The following ANKRD62 variants were observed in gnomAD, a reference collection of about 807,000 sequenced individuals.
The protein encoded by ANKRD62 is ankyrin repeat domain-containing protein 62.
ANKRD62 carries 61 observed loss-of-function variants against 98.8 expected under a neutral mutation model. The ratio of observed to expected loss-of-function variants is 0.62; its 90% CI spans 0.50 to 0.76. The LOEUF is 0.76. Among genes scored for constraint, ANKRD62 ranks in the 30% least tolerant of loss-of-function variants. The pLI, the probability that ANKRD62 is intolerant of heterozygous loss-of-function variation, is 0.00. For missense variants in ANKRD62, 933 were observed against 1,082.9 expected (o/e 0.86, Z 1.94); for synonymous variants, 341 against 367.9 (o/e 0.93, Z 0.84).
At chr18:12,101,214 A>G (rs2143898774) in intron 6 of ANKRD62, among the ~76,000 whole-genome samples, 1 of 152,278 alleles carries the variant, frequency 6.6e-6, no homozygotes, top group African/African-American at 2.4e-5. Context: ...ATTTTATTTA[A>G]AAACAATTCA....
chr18:12,126,272 A>G lies in ANKRD62; in HGVS notation c.2451A>G (p.Lys817=). 6.5e-7 allele frequency: 1 copy of G among 1,536,024 alleles called. No homozygotes were observed. The highest frequency in any genetic ancestry group is 8.7e-7 in the Non-Finnish European group (1 of 1,146,826). Residue 817 remains lysine (K), a synonymous_variant, in exon 13 of 14, where the codon AAA becomes AAG. Coordinates refer to ENST00000587848, the MANE Select transcript of ANKRD62 (RefSeq NM_001277333.2). The part of the protein sequence containing the change: ...IQVKCEDTVE[K]LQAECRKLEE... ...TCAAATGTGAAGATACTGTAGAAAA[A>G]CTTCAAGCTGAGTGTAGAAAGCTAG...
chr18:12,109,461 A>G (rs1394603593), intron 8 of ANKRD62, among the ~76,000 whole-genome samples: 1 of 152,148 alleles, frequency 6.6e-6, no homozygotes, highest in African/African-American at 2.4e-5. Flanking sequence ...GGCCCTAGCA[A>G]ATTTTGTCGG....
chr18:12,135,402 A>G, the ANKRD62 span, among the ~76,000 whole-genome samples: 1 of 151,156 alleles, frequency 6.6e-6, no homozygotes, highest in Non-Finnish European at 1.5e-5. Context: ...ATAGTATTCC[A>G]TGGTGTATAT....
At chr18:12,124,097 T>C in intron 11 of ANKRD62, 40 bp from the exon 12 acceptor site, 1 of 1,091,908 alleles carries the variant, frequency 9.2e-7, no homozygotes, top group Non-Finnish European at 1.3e-6. Context: ...ATGAGTGTTT[T>C]GTTTTTAAAG....
At chr18:12,162,733 C>G in the ANKRD62 span, among the ~76,000 whole-genome samples, 1 of 151,942 alleles carries the variant, frequency 6.6e-6, no homozygotes, top group South Asian at 2.1e-4. Flanking sequence ...TTCTGCATAT[C>G]GACATCTAGT....
At position 12,093,881 on chromosome 18, in the gene ANKRD62, A is replaced by C. The variant is rs185078731; in HGVS notation, c.-137A>C. On this transcript the variant is annotated 5_prime_UTR_variant, in exon 1 of 14. Coordinates refer to ENST00000587848, the MANE Select transcript of ANKRD62 (RefSeq NM_001277333.2). ...TAGGTGCTCCTCCGAGCAGCTGGAG[A>C]CTGGAGTGTCCCTGACGGAGGTTGC... 5.7e-5 allele frequency: 44 copies of C among 765,450 alleles called. No individual in the cohort carries two copies. In the African/African-American group the frequency reaches 6.7e-4, roughly 12 times the overall value. The allele number at this position is 765,450 out of a possible 1,614,324, so 47.4% of individuals were successfully genotyped here.
chr18:12,098,370 A>C (rs1168856466), intron 5 of ANKRD62: 1 of 152,284 alleles, frequency 6.6e-6, no homozygotes, highest in African/African-American at 2.4e-5. Flanking sequence ...AGTTGGACTG[A>C]ACAGAGCCAA....
At chr18:12,116,990 CTG>C (rs1417698605) in intron 10 of ANKRD62, among the ~76,000 whole-genome samples, 3 of 152,060 alleles carry the variant, frequency 2.0e-5, no homozygotes, top group Admixed American at 6.5e-5. Flanking sequence ...AGATTTATCT[CTG>C]TTTCAGTTTT....
At chr18:12,103,753 G>A (rs1324670276) in intron 7 of ANKRD62, among the ~76,000 whole-genome samples, 2 of 152,036 alleles carry the variant, frequency 1.3e-5, no homozygotes, top group Admixed American at 1.3e-4. Context: ...ATCAGACCTT[G>A]CAAAATGGCA....
chr18:12,146,491 G>T, the ANKRD62 span, among the ~76,000 whole-genome samples: 1 of 152,296 alleles, frequency 6.6e-6, no homozygotes, highest in South Asian at 2.1e-4. Context: ...TGTTTCCCAG[G>T]CTGGAGTGCA....
the ANKRD62 span, among the ~76,000 whole-genome samples, chr18:12,137,511 T>G: frequency 6.6e-6 from 1 of 152,194 alleles, no homozygotes; most frequent in African/African-American, 2.4e-5. Flanking sequence ...AAAATTCTCT[T>G]TTTTGGTTGT....
chr18:12,150,330 T>C, the ANKRD62 span, among the ~76,000 whole-genome samples: 8 of 152,332 alleles, frequency 5.3e-5, no homozygotes, highest in Admixed American at 2.0e-4. Context: ...CTATTTATCA[T>C]TGGCATCCCT....
the ANKRD62 span, among the ~76,000 whole-genome samples, chr18:12,139,405 G>A: frequency 6.6e-6 from 1 of 152,154 alleles, no homozygotes; most frequent in Non-Finnish European, 1.5e-5. Context: ...AGCACTTTGG[G>A]AGGTTGAGGA....
intron 10 of ANKRD62, among the ~76,000 whole-genome samples, chr18:12,117,232 T>C (rs1347987573): frequency 6.6e-6 from 1 of 152,202 alleles, no homozygotes; most frequent in Non-Finnish European, 1.5e-5. Context: ...TACCCTCTTA[T>C]TAAAGACTTG....
chr18:12,107,152 T>C (rs1598732524), intron 7 of ANKRD62, 143 bp from the exon 8 acceptor site: 1 of 286,188 alleles, frequency 3.5e-6, no homozygotes, highest in Non-Finnish European at 6.2e-6. Context: ...TTATATATAA[T>C]GAAAAAGTAA....
chr18:12,174,424 C>G, the ANKRD62 span, among the ~76,000 whole-genome samples: 1 of 152,158 alleles, frequency 6.6e-6, no homozygotes, highest in African/African-American at 2.4e-5. Flanking sequence ...CCCTAGAGTC[C>G]TTGGATTAGG....
chr18:12,175,177 G>A, the ANKRD62 span, among the ~76,000 whole-genome samples: 79 of 152,328 alleles, frequency 5.2e-4, no homozygotes, highest in Non-Finnish European at 8.8e-4. Flanking sequence ...GAGCACTGGC[G>A]GGCTCAGGTC....
At chr18:12,097,080 T>C (rs958165267) in intron 4 of ANKRD62, among the ~76,000 whole-genome samples, 8 of 152,152 alleles carry the variant, frequency 5.3e-5, no homozygotes, top group African/African-American at 1.2e-4. Flanking sequence ...TCACCAAGTG[T>C]TTTCCTTTAT....
At chr18:12,101,899 C>G (rs1211823314) in intron 6 of ANKRD62, 3 of 733,900 alleles carry the variant, frequency 4.1e-6, no homozygotes, top group African/African-American at 1.7e-5. Flanking sequence ...TGGACTTACC[C>G]TGTTATTTCT....
Sources: allele counts gnomAD v4.1 joint callset (sites outside exome capture counted in the v4.1 genomes callset), GRCh38; gene constraint gnomAD v4.1.1; transcripts MANE v1.5; gene names NCBI Gene and HGNC (gene_info 2026-07-23, HGNC 2026-07-21).